Variants in CD109 observed in about 807,000 individuals in gnomAD.
CD109 encodes the protein CD109 molecule.
CD109 carries 149 observed loss-of-function variants against 165.8 expected under a neutral mutation model. The observed-to-expected ratio is 0.90, with a 90% CI of 0.79 to 1.03. The LOEUF is 1.03. Ranked by LOEUF, CD109 falls within the 50% of genes least tolerant of loss-of-function variation. The pLI is 0.00. For synonymous variants in CD109, 585 were observed against 592.1 expected, an observed-to-expected ratio of 0.99 and a Z score of 0.18; for missense variants, 1,712 against 1,677.8, an observed-to-expected ratio of 1.02 and a Z score of -0.36.
the CD109 span, among the ~76,000 whole-genome samples, chr6:73,686,723 T>C: frequency 6.6e-6 from 1 of 152,174 alleles, no homozygotes; most frequent in Non-Finnish European, 1.5e-5. Flanking sequence ...ACAGAGTCTT[T>C]CTGTGTTGCC....
intron 22 of CD109, among the ~76,000 whole-genome samples, chr6:73,791,130 T>TACACAC (rs1562070758): frequency 0.025 from 1,112 of 45,192 alleles, 36 homozygotes; most frequent in Non-Finnish European, 0.032. Flanking sequence ...TATATATACA[T>TACACAC]ACATACATAT....
At chr6:73,773,308 G>T (rs1210312925) in intron 15 of CD109, among the ~76,000 whole-genome samples, 2 of 151,490 alleles carry the variant, frequency 1.3e-5, no homozygotes, top group Non-Finnish European at 2.9e-5. Context: ...TTTTCCTGGT[G>T]TATTTTTACA....
intron 2 of CD109, among the ~76,000 whole-genome samples, chr6:73,716,689 T>C (rs1771756985): frequency 6.6e-6 from 1 of 152,234 alleles, no homozygotes; most frequent in Non-Finnish European, 1.5e-5. Context: ...TAATCCCTTG[T>C]GAGATGAGTA....
chr6:73,762,982 T>A, intron 9 of CD109, 100 bp downstream of exon 9: 4 of 1,038,240 alleles, frequency 3.9e-6, no homozygotes, highest in Non-Finnish European at 5.5e-6. Flanking sequence ...ATCATTGACT[T>A]TCTAAAGATG....
At chr6:73,760,231 C>T (rs868570756) in intron 7 of CD109, among the ~76,000 whole-genome samples, 25 of 151,462 alleles carry the variant, frequency 1.7e-4, no homozygotes, top group African/African-American at 6.1e-4. Context: ...CACGGTGAAA[C>T]CCCGTCTCTA....
Position 73,785,363 on chromosome 6 carries a change from G to T in CD109, c.2224-1G>T. 1 of 1,549,412 alleles carries T rather than the reference G, an allele frequency of 6.5e-7. No homozygotes were observed. Among genetic ancestry groups the T allele is most frequent in the South Asian group, 1.1e-5 (1 of 87,958 alleles). On this transcript the variant is annotated splice_acceptor_variant, in intron 19 of 32. Transcript: ENST00000287097. LOFTEE classifies it high-confidence loss of function. ...ATATGTACTCGTTGTGTTCTTTCCA[G>T]CTCCAAGCCTTCCAACCATTTTTCA... is the stretch of plus-strand genomic sequence containing the variant.
chr6:73,702,910 T>C (rs1771133498), intron 2 of CD109, among the ~76,000 whole-genome samples: 1 of 152,206 alleles, frequency 6.6e-6, no homozygotes, highest in South Asian at 2.1e-4. Context: ...TCACCTATTG[T>C]GACAATCTTG....
chr6:73,684,068 C>T, the CD109 span, among the ~76,000 whole-genome samples: 1 of 152,114 alleles, frequency 6.6e-6, no homozygotes, highest in East Asian at 1.9e-4. Context: ...AACAATGGTG[C>T]AATGAACATG....
intron 3 of CD109, among the ~76,000 whole-genome samples, chr6:73,729,400 T>G (rs1772261735): frequency 6.6e-6 from 1 of 151,808 alleles, no homozygotes. Flanking sequence ...AATATCCACC[T>G]GAGGGATTGT....
Position 73,792,780 on chromosome 6 carries a change from A to G in CD109, c.2856A>G (p.Lys952=). The change falls in exon 23 of 33, where the codon AAA becomes AAG. Residue 952 remains lysine (K), a synonymous_variant. Coordinates refer to ENST00000287097, the MANE Select transcript of CD109 (RefSeq NM_133493.5). Reference sequence around the variant, plus strand: ...AACTGACAGATAATTTGAAAGAAAAAGCTCTTTCATTTATGAGGCAAGGTA... The same window carrying G: ...AACTGACAGATAATTTGAAAGAAAAGGCTCTTTCATTTATGAGGCAAGGTA... ...KKQLTDNLKE[K]ALSFMRQGYQ... The G allele has an allele frequency of 1.9e-6, 3 of 1,609,644 alleles. No individual in the cohort carries two copies. The highest frequency in any genetic ancestry group is 2.5e-6 in the Non-Finnish European group (3 of 1,179,400).
In CD109 at chr6:73,803,524, T is replaced by TG. The variant is rs1276209040; in HGVS notation, c.2960+223_2960+224insG. Reference sequence around the variant, plus strand: ...AAAAGATAAGTTATAAATCCTCTTTTTTGTGTGTGTGTGTGTGTGGAAGAA... The same window carrying TG: ...AAAAGATAAGTTATAAATCCTCTTTTGTTGTGTGTGTGTGTGTGTGGAAGAA... On this transcript the variant is annotated intron_variant, in intron 24 of 32. Coordinates refer to ENST00000287097, the MANE Select transcript of CD109 (RefSeq NM_133493.5). Among the ~76,000 whole-genome samples the TG allele has an allele frequency of 3.3e-3, 500 of 152,288 alleles. 3 individuals are homozygous for TG. Among genetic ancestry groups the TG allele is most frequent in the African/African-American group, 0.012 (478 of 41,552 alleles).
At chr6:73,762,720 C>T in intron 8 of CD109, 21 bp from the exon 9 acceptor site, 2 of 1,572,910 alleles carry the variant, frequency 1.3e-6, no homozygotes, top group Non-Finnish European at 1.7e-6. Context: ...GTAAATAATA[C>T]TGAACTTTTA....
At chr6:73,747,051 T>G (rs1315814485) in intron 5 of CD109, among the ~76,000 whole-genome samples, 1 of 152,210 alleles carries the variant, frequency 6.6e-6, no homozygotes, top group Non-Finnish European at 1.5e-5. Flanking sequence ...GCCCATCTCA[T>G]GCTTATTCTC....
At chr6:73,692,152 A>G (rs2150138537), upstream of CD109, among the ~76,000 whole-genome samples, 1 of 152,254 alleles carries the variant, frequency 6.6e-6, no homozygotes, top group East Asian at 1.9e-4. Context: ...ACCTCCTACC[A>G]GGCCCCACCT....
In CD109 at chr6:73,697,309, G is replaced by C. The variant is rs9442948; in HGVS notation, c.75-91G>C. ...ACAACTGCAATTGGCGCAGTATGGA[G>C]TGCCTATCGCACTAGGAAATCTGAG... On this transcript the variant is annotated intron_variant, in intron 1 of 32. Transcript: ENST00000287097. The C allele has an allele frequency of 2.8e-3, 3,230 of 1,152,588 alleles. 57 individuals are homozygous for C. In the African/African-American group the frequency reaches 0.045, roughly 16 times the overall value. 71.4% of individuals were successfully genotyped at this position (1,152,588 alleles called of 1,614,324 possible). A position where few individuals can be genotyped will look rare whatever the true frequency, so the allele number is the denominator to read the frequency against.
chr6:73,730,707 C>G (rs947653455), intron 4 of CD109, 133 bp downstream of exon 4: 4 of 642,602 alleles, frequency 6.2e-6, no homozygotes, highest in Non-Finnish European at 1.1e-5. Context: ...CAACATGGAA[C>G]TCCTCTAATA....
At chr6:73,807,201 T>A in intron 25 of CD109, 129 bp downstream of exon 25, 1 of 685,172 alleles carries the variant, frequency 1.5e-6, no homozygotes, top group Non-Finnish European at 2.5e-6. Flanking sequence ...TGAATTTGAG[T>A]ACTCTTTTGC....
At chr6:73,794,032 G>A (rs1011259948) in intron 23 of CD109, among the ~76,000 whole-genome samples, 3 of 152,118 alleles carry the variant, frequency 2.0e-5, no homozygotes, top group Admixed American at 1.3e-4. Context: ...CAGTAAAGAC[G>A]CCATTGTAAT....
chr6:73,806,926 A>C lies in CD109; in HGVS notation c.3043A>C (p.Thr1015Pro), dbSNP rs143676607. ...TCAGAATGTGTTACACAGAACATACACTTGGCTTAAAGGACATCAGAAATC... is the reference window on the plus strand; with the variant it reads ...TCAGAATGTGTTACACAGAACATACCCTTGGCTTAAAGGACATCAGAAATC... Reference protein sequence around the residue: ...IDQNVLHRTYTWLKGHQKSNG... With the variant: ...IDQNVLHRTYPWLKGHQKSNG... The change falls in exon 25 of 33, where the codon ACT (threonine) becomes CCT (proline). Residue 1015 changes from threonine to proline, a missense_variant. By Grantham distance (38) the Thr-to-Pro change is conservative. Transcript: ENST00000287097. 3 of 1,613,992 alleles carry C rather than the reference A, an allele frequency of 1.9e-6. No homozygotes were observed. The highest frequency in any genetic ancestry group is 2.5e-6 in the Non-Finnish European group (3 of 1,179,948).
Sources: allele counts gnomAD v4.1 joint callset (sites outside exome capture counted in the v4.1 genomes callset), GRCh38; gene constraint gnomAD v4.1.1; transcripts MANE v1.5; gene names NCBI Gene and HGNC (gene_info 2026-07-23, HGNC 2026-07-21).